The following SLC25A12 variants were observed in gnomAD, a reference collection of about 807,000 sequenced individuals.
SLC25A12 encodes solute carrier family 25 member 12, also known as electrogenic aspartate/glutamate antiporter SLC25A12, mitochondrial.
Under a neutral mutation model 83.3 loss-of-function variants are expected in SLC25A12, and 32 were observed. That is an observed-to-expected ratio of 0.38 (90% CI 0.29 to 0.52). SLC25A12 has a LOEUF of 0.52. Among genes scored for constraint, SLC25A12 ranks in the 20% least tolerant of loss-of-function variants. SLC25A12 has a pLI of 0.84. For synonymous variants in SLC25A12, 267 were observed against 291.1 expected (o/e 0.92, Z 0.84); for missense variants, 611 against 835.6 (o/e 0.73, Z 3.31).
At chr2:171,888,884 A>G (rs1363585571) in intron 2 of SLC25A12, among the ~76,000 whole-genome samples, 5 of 152,206 alleles carry the variant, frequency 3.3e-5, no homozygotes, top group Admixed American at 3.3e-4. Flanking sequence ...AAGAGTTTTC[A>G]ACTGTACTCT....
intron 14 of SLC25A12, among the ~76,000 whole-genome samples, chr2:171,792,584 C>A (rs1683501988): frequency 6.6e-6 from 1 of 151,346 alleles, no homozygotes; most frequent in Non-Finnish European, 1.5e-5. Context: ...CAAGTGTGAG[C>A]CAGTGCTCCC....
At chr2:171,881,267 C>T (rs1685689194) in intron 2 of SLC25A12, among the ~76,000 whole-genome samples, 1 of 152,132 alleles carries the variant, frequency 6.6e-6, no homozygotes, top group Non-Finnish European at 1.5e-5. Flanking sequence ...ATTCTCCCAT[C>T]TCAGCCTCCC....
At chr2:171,839,360 A>G (rs1684624205) in intron 5 of SLC25A12, among the ~76,000 whole-genome samples, 1 of 152,212 alleles carries the variant, frequency 6.6e-6, no homozygotes, top group Non-Finnish European at 1.5e-5. Context: ...GTGGGCTTAT[A>G]AAAGGTAAAA....
chr2:171,821,949 T>C (rs749828050), intron 9 of SLC25A12, among the ~76,000 whole-genome samples: 1 of 152,210 alleles, frequency 6.6e-6, no homozygotes, highest in African/African-American at 2.4e-5. Context: ...CTCTTTAATC[T>C]TTCACATTTA....
chr2:171,879,805 T>A (rs1056342261), intron 2 of SLC25A12, among the ~76,000 whole-genome samples: 1 of 152,144 alleles, frequency 6.6e-6, no homozygotes, highest in Non-Finnish European at 1.5e-5. Context: ...AATACCAAGA[T>A]TTTTACCAAA....
intron 9 of SLC25A12, among the ~76,000 whole-genome samples, chr2:171,818,889 GA>G (rs879305822): frequency 1.3e-5 from 2 of 151,152 alleles, no homozygotes; most frequent in Admixed American, 6.6e-5. Flanking sequence ...TTGGAAGGGG[GA>G]AAAAAGGCTA....
chr2:171,783,784 A>G lies in SLC25A12; in HGVS notation c.*1490T>C, dbSNP rs1447598066. Among the ~76,000 whole-genome samples the G allele has an allele frequency of 1.3e-5, 2 of 152,222 alleles. No individual in the cohort carries two copies. Among genetic ancestry groups the G allele is most frequent in the African/African-American group, 4.8e-5 (2 of 41,452 alleles). On this transcript the variant is annotated 3_prime_UTR_variant, in exon 18 of 18. Coordinates refer to ENST00000422440, the MANE Select transcript of SLC25A12 (RefSeq NM_003705.5). Reference sequence around the variant, plus strand: ...CACTCCCATGAGACCAATCTAATACATTTGAAAATAACTTGCTTTCAAAGC... The same window carrying G: ...CACTCCCATGAGACCAATCTAATACGTTTGAAAATAACTTGCTTTCAAAGC...
intron 8 of SLC25A12, among the ~76,000 whole-genome samples, chr2:171,828,595 T>G (rs1471764986): frequency 6.6e-6 from 1 of 152,242 alleles, no homozygotes; most frequent in African/African-American, 2.4e-5. Context: ...GGTGGATTTT[T>G]AAACATTCCC....
chr2:171,852,922 GGTGAAATGGTCAAA>G (rs1161285343), intron 4 of SLC25A12, among the ~76,000 whole-genome samples: 1 of 152,196 alleles, frequency 6.6e-6, no homozygotes, highest in African/African-American at 2.4e-5. Context: ...AGGGACAGAA[GGTGAAATGGTCAAA>G]GTCCTTAGGA....
intron 9 of SLC25A12, among the ~76,000 whole-genome samples, chr2:171,817,376 C>T (rs1221597245): frequency 9.9e-5 from 15 of 151,828 alleles, no homozygotes; most frequent in African/African-American, 3.1e-4. Flanking sequence ...CCAAGGTGGG[C>T]GGATCACTTG....
intron 13 of SLC25A12, among the ~76,000 whole-genome samples, chr2:171,806,232 G>A (rs568420832): frequency 3.4e-4 from 52 of 152,308 alleles, no homozygotes; most frequent in Non-Finnish European, 5.3e-4. Flanking sequence ...GGCCGAGGCC[G>A]GTGGATCACC....
intron 5 of SLC25A12, among the ~76,000 whole-genome samples, chr2:171,843,768 G>C (rs545356127): frequency 9.0e-4 from 136 of 151,842 alleles, no homozygotes; most frequent in Non-Finnish European, 1.7e-3. Context: ...GTGATAAAGA[G>C]GGAGAGGAGA....
At position 171,793,898 on chromosome 2, in the gene SLC25A12, G is replaced by C. The variant is rs888162660; in HGVS notation, c.1306-131C>G. ...AAGGAGGTGAAACTTCCTTCCTCAG[G>C]GGGGAATGACAGTTTGACACTTAGG... On this transcript the variant is annotated intron_variant, in intron 13 of 17. Coordinates refer to ENST00000422440, the MANE Select transcript of SLC25A12 (RefSeq NM_003705.5). 10 of 1,049,470 alleles carry C rather than the reference G, an allele frequency of 9.5e-6. No individual in the cohort carries two copies. In the East Asian group the frequency reaches 1.5e-4, roughly 16 times the overall value. 65.0% of individuals were successfully genotyped at this position (1,049,470 alleles called of 1,614,324 possible).
intron 5 of SLC25A12, 111 bp from the exon 6 acceptor site, chr2:171,837,378 A>C: frequency 8.9e-7 from 1 of 1,129,388 alleles, no homozygotes; most frequent in Non-Finnish European, 1.3e-6. Context: ...TTACTACAAA[A>C]CAAACAATGC....
chr2:171,834,254 A>G, intron 7 of SLC25A12, 198 bp from the exon 8 acceptor site: 1 of 544,308 alleles, frequency 1.8e-6, no homozygotes, highest in Non-Finnish European at 3.3e-6. Flanking sequence ...ATAAAATGTT[A>G]AGATGATAAA....
intron 13 of SLC25A12, among the ~76,000 whole-genome samples, chr2:171,794,131 G>T: frequency 6.6e-6 from 1 of 152,192 alleles, no homozygotes; most frequent in East Asian, 1.9e-4. Flanking sequence ...GAAAGAAAAA[G>T]AGATAGTAAA....
Position 171,787,679 on chromosome 2 carries a change from G to A in SLC25A12, c.1745-18C>T. ...CACTCGAGCTGAAAAAGAGAAGCAG[G>A]GGCAGGGGAGACTTGAAACCAGGAC... On this transcript the variant is annotated intron_variant, in intron 16 of 17. Coordinates refer to ENST00000422440, the MANE Select transcript of SLC25A12 (RefSeq NM_003705.5). 1 of 1,612,150 alleles carries A rather than the reference G, an allele frequency of 6.2e-7. No individual in the cohort carries two copies. Among genetic ancestry groups the A allele is most frequent in the Non-Finnish European group, 8.5e-7 (1 of 1,178,204 alleles).
At chr2:171,877,910 T>C (rs1164657211) in intron 2 of SLC25A12, among the ~76,000 whole-genome samples, 1 of 152,150 alleles carries the variant, frequency 6.6e-6, no homozygotes, top group Non-Finnish European at 1.5e-5. Flanking sequence ...CCAGAGACTA[T>C]AAAGAAAAAT....
chr2:171,869,837 G>C (rs1318628295), intron 2 of SLC25A12, among the ~76,000 whole-genome samples: 1 of 152,188 alleles, frequency 6.6e-6, no homozygotes, highest in Non-Finnish European at 1.5e-5. Flanking sequence ...ATCTACACTA[G>C]GGCCTGGCCC....
Sources: allele counts gnomAD v4.1 joint callset (sites outside exome capture counted in the v4.1 genomes callset), GRCh38; gene constraint gnomAD v4.1.1; transcripts MANE v1.5; gene names NCBI Gene and HGNC (gene_info 2026-07-23, HGNC 2026-07-21).